PTCHD1: variants seen among roughly 807,000 people sequenced by gnomAD.
PTCHD1 encodes the protein patched domain containing 1, also known as patched domain-containing protein 1.
A neutral mutation model predicts 34.6 loss-of-function variants in PTCHD1; 3 were observed. That is an observed-to-expected ratio of 0.09 (90% CI 0.04 to 0.22). The LOEUF (loss-of-function observed/expected upper bound fraction) is 0.22, where lower values mean the gene tolerates loss of function less well. PTCHD1 is among the 10% of genes least tolerant of loss of function. The pLI is 1.00. For missense variants in PTCHD1, 504 were observed against 685.5 expected (o/e 0.74, Z 2.96); for synonymous variants, 305 against 283.1 (o/e 1.08, Z -0.77).
chrX:23,361,344 G>A (rs1921977548), intron 1 of PTCHD1, among the ~76,000 whole-genome samples: 2 of 112,067 alleles, frequency 1.8e-5, no homozygotes, highest in South Asian at 7.5e-4. Context: ...TGTATTGGGT[G>A]CATATATATT....
chrX:23,354,649 T>C (rs1289775082), intron 1 of PTCHD1, among the ~76,000 whole-genome samples: 1 of 104,424 alleles, frequency 9.6e-6, no homozygotes, highest in Non-Finnish European at 2.0e-5. Context: ...CTCAGCTCAC[T>C]GCAACCTCCG....
chrX:23,342,266 CTATATATATATATATATATA>C (rs1194698667), intron 1 of PTCHD1, among the ~76,000 whole-genome samples: 4 of 31,263 alleles, frequency 1.3e-4, no homozygotes, highest in South Asian at 1.5e-3. Context: ...GTGTTTCTCC[CTATATATATATATATATATA>C]TATATATATA....
chrX:23,341,482 C>T (rs1353726905), intron 1 of PTCHD1, among the ~76,000 whole-genome samples: 1 of 112,120 alleles, frequency 8.9e-6, no homozygotes, highest in African/African-American at 3.2e-5. Flanking sequence ...CCATCTGGTA[C>T]CTGATTTCGG....
In PTCHD1 at chrX:23,398,522, A is replaced by AGGGAAT. The variant is rs1328070370; in HGVS notation, c.*4339_*4344dup. Reference sequence around the variant, plus strand: ...TGAATAACTGTGGCTGGCTTGTCTGAGGGAATGTAAACATTCCCTTGAGGT... The same window carrying AGGGAAT: ...TGAATAACTGTGGCTGGCTTGTCTGAGGGAATGGGAATGTAAACATTCCCTTGAGGT... On this transcript the variant is annotated 3_prime_UTR_variant, in exon 3 of 3. Transcript: ENST00000379361. 6.3e-5 allele frequency: 7 copies of AGGGAAT among 111,750 alleles called. No homozygotes were observed. Among genetic ancestry groups the AGGGAAT allele is most frequent in the African/African-American group, 2.3e-4 (7 of 30,765 alleles). 9.2% of individuals were successfully genotyped at this position (111,750 alleles called of 1,213,427 possible).
At chrX:23,357,654 CTTTT>C (rs1360822147) in intron 1 of PTCHD1, among the ~76,000 whole-genome samples, 2 of 107,659 alleles carry the variant, frequency 1.9e-5, no homozygotes, top group Non-Finnish European at 3.8e-5. Flanking sequence ...CAAACCACAG[CTTTT>C]TTATTATTAT....
intron 1 of PTCHD1, among the ~76,000 whole-genome samples, chrX:23,369,335 C>A (rs1324507935): frequency 9.0e-6 from 1 of 111,692 alleles, no homozygotes; most frequent in Non-Finnish European, 1.9e-5. Context: ...ATCACCATCT[C>A]CTGCTGTGAG....
At chrX:23,336,402 T>C (rs1024014078) in intron 1 of PTCHD1, among the ~76,000 whole-genome samples, 2 of 111,491 alleles carry the variant, frequency 1.8e-5, no homozygotes, top group Non-Finnish European at 3.8e-5. Flanking sequence ...AGTCCAGATC[T>C]GGTACTAGAG....
intron 1 of PTCHD1, among the ~76,000 whole-genome samples, chrX:23,345,924 G>A (rs1003283365): frequency 9.0e-6 from 1 of 111,636 alleles, no homozygotes; most frequent in Non-Finnish European, 1.9e-5. Context: ...ACAGAGGGCC[G>A]TACTCTACTG....
At position 23,392,560 on chromosome X, in the gene PTCHD1, T is replaced by C; in HGVS notation, c.1042T>C (p.Leu348=). Residue 348 remains leucine (L), a synonymous_variant, in exon 3 of 3, where the codon TTA becomes CTA. Coordinates refer to ENST00000379361, the MANE Select transcript of PTCHD1 (RefSeq NM_173495.3). ...GHGLYGTFEM[L]SSWRKTREDQ... is the part of the protein sequence containing the mutation. ...TGGATTATATGGGACTTTTGAAATG[T>C]TATCCTCCTGGAGGAAAACTAGAGA... The C allele has an allele frequency of 8.3e-7, 1 of 1,206,957 alleles. No individual in the cohort carries two copies. The highest frequency in any genetic ancestry group is 1.1e-6 in the Non-Finnish European group (1 of 891,170).
At chrX:23,390,672 A>T (rs1022194513) in intron 2 of PTCHD1, among the ~76,000 whole-genome samples, 1 of 111,929 alleles carries the variant, frequency 8.9e-6, no homozygotes, top group African/African-American at 3.2e-5. Flanking sequence ...TGCCTAGTCA[A>T]TTAAGATAAA....
chrX:23,346,472 C>T (rs1228401771), intron 1 of PTCHD1, among the ~76,000 whole-genome samples: 4 of 111,549 alleles, frequency 3.6e-5, no homozygotes, highest in South Asian at 3.8e-4. Flanking sequence ...TAAACCAATC[C>T]GACAGGATTC....
rs1923038777 is a variant in PTCHD1, at chrX:23,398,229, A to G, written c.*4044A>G. The G allele has an allele frequency of 8.9e-6, 1 of 111,874 alleles. No individual in the cohort carries two copies. The allele number at this position is 111,874 out of a possible 1,213,427, so 9.2% of individuals were successfully genotyped here. ...TCAAGACATTATTTGTAATTCAGCA[A>G]TCTCGCACAGTAGCATTAGGGCTCG... On this transcript the variant is annotated 3_prime_UTR_variant, in exon 3 of 3. Coordinates refer to ENST00000379361, the MANE Select transcript of PTCHD1 (RefSeq NM_173495.3).
intron 2 of PTCHD1, among the ~76,000 whole-genome samples, chrX:23,384,253 T>C (rs1055145009): frequency 8.9e-6 from 1 of 112,357 alleles, no homozygotes; most frequent in Non-Finnish European, 1.9e-5. Flanking sequence ...TTGCTTTGCA[T>C]TTATCAAGAT....
chrX:23,385,017 G>C (rs985488371), intron 2 of PTCHD1, among the ~76,000 whole-genome samples: 4 of 111,954 alleles, frequency 3.6e-5, no homozygotes, highest in Non-Finnish European at 7.5e-5. Flanking sequence ...AATAGGTTCA[G>C]CATGTTCTAG....
chrX:23,372,317 C>CA (rs772309530), intron 1 of PTCHD1, among the ~76,000 whole-genome samples: 1 of 110,231 alleles, frequency 9.1e-6, no homozygotes, highest in East Asian at 2.8e-4. Flanking sequence ...GCAAGACGAG[C>CA]ACTGCAATGT....
At chrX:23,355,707 T>G (rs1280688756) in intron 1 of PTCHD1, among the ~76,000 whole-genome samples, 2 of 112,396 alleles carry the variant, frequency 1.8e-5, no homozygotes, top group Non-Finnish European at 1.9e-5. Flanking sequence ...AACCCAAACG[T>G]AGTTTGAGAT....
At position 23,335,078 on chromosome X, in the gene PTCHD1, A is replaced by G. The variant is rs376309663; in HGVS notation, c.203A>G (p.Asn68Ser). The G allele has an allele frequency of 8.9e-5, 108 of 1,208,751 alleles. No individual in the cohort carries two copies. In the African/African-American group the frequency reaches 1.5e-3, roughly 17 times the overall value. The stretch of plus-strand genomic sequence containing the variant: ...CACAGCCTGGCCAAGATCGAGCGCA[A>G]CCTCGTTAACAGCCTCTTCCCGGTC... ...PQHSLAKIER[N>S]LVNSLFPVNR... The change falls in exon 1 of 3, where the codon AAC (asparagine) becomes AGC (serine). Residue 68 changes from asparagine to serine, a missense_variant. By Grantham distance (46) the Asn-to-Ser change is conservative. Coordinates refer to ENST00000379361, the MANE Select transcript of PTCHD1 (RefSeq NM_173495.3).
intron 2 of PTCHD1, among the ~76,000 whole-genome samples, chrX:23,391,349 A>G (rs1922823715): frequency 9.1e-6 from 1 of 110,107 alleles, no homozygotes; most frequent in African/African-American, 3.4e-5. Flanking sequence ...TAAGTCATGT[A>G]TGAATAACCA....
chrX:23,349,515 C>G (rs1170448987), intron 1 of PTCHD1, among the ~76,000 whole-genome samples: 1 of 111,782 alleles, frequency 8.9e-6, no homozygotes, highest in Non-Finnish European at 1.9e-5. Flanking sequence ...GCTAGAGTAG[C>G]TATGTTCATT....
Sources: gnomAD v4.1 joint callset for allele counts (sites outside exome capture counted in the v4.1 genomes callset) on GRCh38, gnomAD v4.1.1 for gene constraint, MANE v1.5 for transcripts, NCBI Gene and HGNC (gene_info 2026-07-23, HGNC 2026-07-21) for gene names.